SLC8A3: variants seen among roughly 807,000 people sequenced by gnomAD.
The protein encoded by SLC8A3 is solute carrier family 8 member A3.
SLC8A3 carries 37 observed loss-of-function variants against 65.4 expected under a neutral mutation model. The ratio of observed to expected loss-of-function variants is 0.57; its 90% CI spans 0.44 to 0.74. The LOEUF is 0.74. SLC8A3 is among the 30% of genes least tolerant of loss of function. The pLI, the probability that SLC8A3 is intolerant of heterozygous loss-of-function variation, is 0.00. For missense variants in SLC8A3, 1,112 were observed against 1,172.1 expected, an observed-to-expected ratio of 0.95 and a Z score of 0.75; for synonymous variants, 461 against 444.5, an observed-to-expected ratio of 1.04 and a Z score of -0.47.
At chr14:70,163,609 G>C (rs1308826500) in intron 2 of SLC8A3, among the ~76,000 whole-genome samples, 1 of 152,160 alleles carries the variant, frequency 6.6e-6, no homozygotes, top group Non-Finnish European at 1.5e-5. Flanking sequence ...GTGGCAATTA[G>C]CACAGCCTCT....
intron 2 of SLC8A3, among the ~76,000 whole-genome samples, chr14:70,147,175 G>A (rs919270050): frequency 2.6e-5 from 4 of 152,208 alleles, no homozygotes; most frequent in Non-Finnish European, 4.4e-5. Flanking sequence ...GACAGAGACT[G>A]CAGGATAGGT....
chr14:70,160,606 G>A (rs1896825031), intron 2 of SLC8A3, among the ~76,000 whole-genome samples: 1 of 152,128 alleles, frequency 6.6e-6, no homozygotes, highest in African/African-American at 2.4e-5. Flanking sequence ...GCAAACCAAT[G>A]TGAGCAGACC....
intron 2 of SLC8A3, among the ~76,000 whole-genome samples, chr14:70,062,973 A>T (rs920231743): frequency 6.6e-6 from 1 of 152,120 alleles, no homozygotes; most frequent in Admixed American, 6.5e-5. Context: ...CCACAGTATG[A>T]TCTATTCAGG....
intron 3 of SLC8A3, among the ~76,000 whole-genome samples, chr14:70,056,912 C>T (rs890374406): frequency 1.3e-5 from 2 of 152,196 alleles, no homozygotes; most frequent in African/African-American, 4.8e-5. Flanking sequence ...TGACACACCA[C>T]ATTTTCATTT....
chr14:70,083,233 A>G (rs1891188977), intron 2 of SLC8A3, among the ~76,000 whole-genome samples: 1 of 152,182 alleles, frequency 6.6e-6, no homozygotes, highest in Admixed American at 6.5e-5. Context: ...AAGCCTTCTG[A>G]TGAGATTTAT....
intron 2 of SLC8A3, among the ~76,000 whole-genome samples, chr14:70,121,662 G>T (rs1191240249): frequency 6.6e-6 from 1 of 152,188 alleles, no homozygotes; most frequent in Non-Finnish European, 1.5e-5. Context: ...TTACCTTCTG[G>T]TTGAAAGGAT....
chr14:70,099,553 A>G (rs1892425026), intron 2 of SLC8A3, among the ~76,000 whole-genome samples: 1 of 152,212 alleles, frequency 6.6e-6, no homozygotes, highest in Admixed American at 6.5e-5. Context: ...TAGAGAATGA[A>G]GCTAACAGCT....
chr14:70,063,710 A>ATG (rs1473982682), intron 2 of SLC8A3: 1 of 655,916 alleles, frequency 1.5e-6, no homozygotes, highest in African/African-American at 1.8e-5. Flanking sequence ...GACAAGGGAA[A>ATG]GGGAACCAGA....
chr14:70,064,065 C>G (rs911128911), intron 2 of SLC8A3: 1 of 593,372 alleles, frequency 1.7e-6, no homozygotes, highest in African/African-American at 1.9e-5. Context: ...CACAGGGGCA[C>G]GGAGGAGAGT....
chr14:70,167,627 G>T lies in SLC8A3; in HGVS notation c.796C>A (p.Arg266Ser), dbSNP rs370160480. The change falls in exon 2 of 7, where the codon CGC (arginine) becomes AGC (serine). Residue 266 changes from arginine (R) to serine (S), a missense_variant. Coordinates refer to ENST00000356921, the MANE Select transcript of SLC8A3 (RefSeq NM_182932.3). ...ATAATTCCTCGGTGTTTGTCTGTGCGGTACTTTTTGTGCATGTATTTGTAG... is the reference window on the plus strand; with the variant it reads ...ATAATTCCTCGGTGTTTGTCTGTGCTGTACTTTTTGTGCATGTATTTGTAG... ...LFYKYMHKKY[R>S]TDKHRGIIIE... 1.2e-6 allele frequency: 2 copies of T among 1,614,066 alleles called. No homozygotes were observed. Among genetic ancestry groups the T allele is most frequent in the Admixed American group, 3.3e-5 (2 of 60,006 alleles).
chr14:70,052,074 G>T lies in SLC8A3; in HGVS notation c.1929C>A (p.Ala643=), dbSNP rs1887576231. The T allele has an allele frequency of 1.2e-6, 2 of 1,607,648 alleles. No homozygotes were observed. The highest frequency in any genetic ancestry group is 1.1e-5 in the South Asian group (1 of 89,386). Reference sequence around the variant, plus strand: ...GCTTTCCCATCTCTGCTATCCTCTTGGCCTCCTCTTCTTCCATAGTCAGCT... The same window carrying T: ...GCTTTCCCATCTCTGCTATCCTCTTTGCCTCCTCTTCTTCCATAGTCAGCT... ...DRKLTMEEEE[A]KRIAEMGKPV... is the part of the protein sequence containing the mutation. Residue 643 remains alanine (A), a synonymous_variant, in exon 4 of 7, where the codon GCC becomes GCA. Coordinates refer to ENST00000356921, the MANE Select transcript of SLC8A3 (RefSeq NM_182932.3).
chr14:70,073,602 A>G (rs916865166), intron 2 of SLC8A3, among the ~76,000 whole-genome samples: 5 of 152,170 alleles, frequency 3.3e-5, no homozygotes, highest in African/African-American at 9.7e-5. Flanking sequence ...TTAACAGTGT[A>G]TCTGTTCCCA....
intron 2 of SLC8A3, among the ~76,000 whole-genome samples, chr14:70,076,483 G>C (rs145664470): frequency 4.7e-4 from 72 of 152,292 alleles, no homozygotes; most frequent in African/African-American, 1.7e-3. Flanking sequence ...CCAGTAAGTG[G>C]TGGAGCCCAA....
chr14:70,104,298 T>A (rs1012515319), intron 2 of SLC8A3, among the ~76,000 whole-genome samples: 1 of 152,158 alleles, frequency 6.6e-6, no homozygotes, highest in Non-Finnish European at 1.5e-5. Context: ...TAGAATTTTA[T>A]ACCCAATGAC....
intron 5 of SLC8A3, 60 bp downstream of exon 5, chr14:70,050,948 C>G: frequency 9.2e-7 from 1 of 1,091,706 alleles, no homozygotes; most frequent in Non-Finnish European, 1.4e-6. Context: ...CGTGGCTTTA[C>G]GCTTCCTTCT....
intron 1 of SLC8A3, among the ~76,000 whole-genome samples, chr14:70,186,031 C>T (rs1183493569): frequency 1.3e-5 from 2 of 152,184 alleles, no homozygotes; most frequent in South Asian, 2.1e-4. Flanking sequence ...ACCCAAATCT[C>T]ATCTTGAATT....
intron 2 of SLC8A3, among the ~76,000 whole-genome samples, chr14:70,137,152 T>TTC (rs1364920505): frequency 6.6e-6 from 1 of 151,194 alleles, no homozygotes; most frequent in Non-Finnish European, 1.5e-5. Context: ...TATATATCTT[T>TTC]TTTTTTTTTT....
intron 2 of SLC8A3, among the ~76,000 whole-genome samples, chr14:70,061,634 G>A (rs1314893322): frequency 2.0e-5 from 3 of 151,922 alleles, no homozygotes; most frequent in Non-Finnish European, 4.4e-5. Flanking sequence ...TATCTCATAG[G>A]GCTTCAGTGG....
intron 2 of SLC8A3, among the ~76,000 whole-genome samples, chr14:70,127,899 T>G (rs1444839705): frequency 1.3e-5 from 2 of 152,182 alleles, no homozygotes; most frequent in Non-Finnish European, 2.9e-5. Flanking sequence ...TTATCTTCTA[T>G]ATCACCTCCA....
Sources: allele counts gnomAD v4.1 joint callset (sites outside exome capture counted in the v4.1 genomes callset), GRCh38; gene constraint gnomAD v4.1.1; transcripts MANE v1.5; gene names NCBI Gene and HGNC (gene_info 2026-07-23, HGNC 2026-07-21).